The following PARVB variants were observed in gnomAD, a reference collection of about 807,000 sequenced individuals.
The protein encoded by PARVB is beta-parvin.
Under a neutral mutation model 47.0 loss-of-function variants are expected in PARVB, and 46 were observed. The observed-to-expected ratio is 0.98, with a 90% CI of 0.77 to 1.25. The LOEUF is 1.25. Among genes scored for constraint, PARVB ranks in the 50% most tolerant of loss-of-function variants. The pLI is 0.00. For synonymous variants in PARVB, 196 were observed against 196.3 expected, an observed-to-expected ratio of 1.00 and a Z score of 0.01; for missense variants, 473 against 471.6, an observed-to-expected ratio of 1.00 and a Z score of -0.03.
intron 1 of PARVB, among the ~76,000 whole-genome samples, chr22:44,069,763 AG>A (rs1252907223): frequency 6.6e-6 from 1 of 152,090 alleles, no homozygotes; most frequent in Non-Finnish European, 1.5e-5. Context: ...TCCTGACCTC[AG>A]GTGATCCACC....
chr22:44,012,145 G>A (rs968781883), intron 2 of PARVB, among the ~76,000 whole-genome samples: 2 of 152,108 alleles, frequency 1.3e-5, no homozygotes, highest in Admixed American at 1.3e-4. Flanking sequence ...TTCCCCCATG[G>A]AAGACTAGGA....
At chr22:44,150,505 C>G (rs927514917) in intron 9 of PARVB, 1 of 151,700 alleles carries the variant, frequency 6.6e-6, no homozygotes, top group African/African-American at 2.4e-5. Context: ...AACTCCATTT[C>G]TACTAAAAAT....
At chr22:44,145,408 GGGTTACCCCAAGACA>G (rs1355381888) in intron 8 of PARVB, 1 of 152,180 alleles carries the variant, frequency 6.6e-6, no homozygotes, top group Non-Finnish European at 1.5e-5. Context: ...GGAGGCCCCT[GGGTTACCCCAAGACA>G]GGTGGGAGGA....
In PARVB at chr22:44,170,268, T is replaced by A. The variant is rs1031166130; in HGVS notation, c.*1590T>A. 2.6e-5 allele frequency: 4 copies of A among 152,162 alleles called. No individual in the cohort carries two copies. The highest frequency in any genetic ancestry group is 5.9e-5 in the Non-Finnish European group (4 of 68,046). The allele number at this position is 152,162 out of a possible 1,614,324, so 9.4% of individuals were successfully genotyped here. On this transcript the variant is annotated 3_prime_UTR_variant, in exon 13 of 13. Transcript: ENST00000338758. ...CACCCACCTCAGCCTCCCAAAGTGC[T>A]GGGATTATAGGCATGAGCGGACATG...
chr22:44,168,399 G>A (rs878947943), intron 12 of PARVB: 31 of 545,928 alleles, frequency 5.7e-5, no homozygotes, highest in South Asian at 3.0e-4. Flanking sequence ...GTGTCAGCCC[G>A]CGCCAGGAGC....
At chr22:44,038,058 C>A (rs1156815412) in intron 1 of PARVB, among the ~76,000 whole-genome samples, 4 of 152,230 alleles carry the variant, frequency 2.6e-5, no homozygotes, top group African/African-American at 9.6e-5. Flanking sequence ...GCCCTCACGT[C>A]CCCTGTTCTC....
chr22:44,128,000 A>G (rs921937508), intron 4 of PARVB, among the ~76,000 whole-genome samples: 1 of 152,100 alleles, frequency 6.6e-6, no homozygotes, highest in Non-Finnish European at 1.5e-5. Context: ...TGCCCAGGCT[A>G]GTCTTGAACT....
chr22:44,132,225 C>A (rs2053343357), intron 5 of PARVB, among the ~76,000 whole-genome samples: 2 of 152,096 alleles, frequency 1.3e-5, no homozygotes, highest in Non-Finnish European at 2.9e-5. Context: ...CAGTGGTAGG[C>A]AGGAGACCCT....
chr22:44,087,846 G>GTTTTTTTTTTTTTTTTTTTTTTT (rs57893038), intron 1 of PARVB, among the ~76,000 whole-genome samples: 6 of 121,288 alleles, frequency 4.9e-5, no homozygotes, highest in African/African-American at 1.0e-4. Flanking sequence ...GAACGATGGT[G>GTTTTTTTTTTTTTTTTTTTTTTT]TTTTTTTTTT....
chr22:44,021,818 G>C (rs79540373), upstream of PARVB, among the ~76,000 whole-genome samples: 481 of 125,938 alleles, frequency 3.8e-3, 4 homozygotes, highest in African/African-American at 0.013. Flanking sequence ...CACACACACA[G>C]GGCCTAGTAG....
In PARVB at chr22:44,068,687, G is replaced by A. The variant is rs1317333875; in HGVS notation, c.113-25241G>A. Reference sequence around the variant, plus strand: ...CACAGTGGTGCCACCTCTTGCCGGGGGTCAGGCAGAGGAGACCCAGCTCCG... The same window carrying A: ...CACAGTGGTGCCACCTCTTGCCGGGAGTCAGGCAGAGGAGACCCAGCTCCG... On this transcript the variant is annotated intron_variant, in intron 1 of 12. Transcript: ENST00000338758. The surrounding 1 kb of genome is among the most constrained non-coding windows in gnomAD (Gnocchi z 4.1). Among the ~76,000 whole-genome samples the A allele has an allele frequency of 6.6e-6, 1 of 152,180 alleles. No homozygotes were observed. The highest frequency in any genetic ancestry group is 1.5e-5 in the Non-Finnish European group (1 of 68,028).
At chr22:44,027,032 T>C (rs9306472) in intron 1 of PARVB, among the ~76,000 whole-genome samples, 53,101 of 151,428 alleles carry the variant, frequency 0.35, 9,779 homozygotes, top group African/African-American at 0.48. Context: ...AGCTTCACGG[T>C]GGGCGTGATT....
intron 1 of PARVB, among the ~76,000 whole-genome samples, chr22:44,082,433 C>T (rs1415723013): frequency 5.3e-5 from 8 of 152,066 alleles, no homozygotes; most frequent in Non-Finnish European, 7.4e-5. Flanking sequence ...GCAGGAGAAT[C>T]GCTTGAATCT....
At chr22:44,137,045 C>G (rs1259120094) in intron 7 of PARVB, among the ~76,000 whole-genome samples, 1 of 152,234 alleles carries the variant, frequency 6.6e-6, no homozygotes, top group East Asian at 1.9e-4. Flanking sequence ...TTAAGGACTC[C>G]TTGTGATAAC....
At chr22:44,016,786 G>C (rs533785625) in intron 2 of PARVB, among the ~76,000 whole-genome samples, 69 of 152,120 alleles carry the variant, frequency 4.5e-4, no homozygotes, top group Middle Eastern at 3.4e-3. Context: ...TTCCACTTTT[G>C]GCATCACGTC....
Position 44,103,901 on chromosome 22 carries a change from C to T in PARVB, c.273+3778C>T, listed in dbSNP as rs1601605731. Reference sequence around the variant, plus strand: ...CTGGAGCCTCCAGAAGGAACCAGCCCTGCTGACACCTGGATTTTAGCCCAG... The same window carrying T: ...CTGGAGCCTCCAGAAGGAACCAGCCTTGCTGACACCTGGATTTTAGCCCAG... On this transcript the variant is annotated intron_variant, in intron 3 of 12. Coordinates refer to ENST00000338758, the MANE Select transcript of PARVB (RefSeq NM_013327.5). The surrounding 1 kb of genome is among the most constrained non-coding windows in gnomAD (Gnocchi z 4.6). 6.6e-6 allele frequency: 1 copy of T among 152,310 alleles called. No individual in the cohort carries two copies. Among genetic ancestry groups the T allele is most frequent in the African/African-American group, 2.4e-5 (1 of 41,466 alleles). 9.4% of individuals were successfully genotyped at this position (152,310 alleles called of 1,614,324 possible). A position where few individuals can be genotyped will look rare whatever the true frequency, so the allele number is the denominator to read the frequency against.
intron 1 of PARVB, among the ~76,000 whole-genome samples, chr22:44,052,965 A>G (rs1423657124): frequency 1.3e-5 from 2 of 152,092 alleles, no homozygotes; most frequent in Admixed American, 6.6e-5. Flanking sequence ...AAAACAAAAC[A>G]AAACACCCAA....
At chr22:44,119,639 G>A (rs759605725) in intron 4 of PARVB, 3 of 417,292 alleles carry the variant, frequency 7.2e-6, no homozygotes, top group Non-Finnish European at 1.5e-5. Flanking sequence ...ATGGTTTGAT[G>A]TGCAGACAAA....
intron 12 of PARVB, among the ~76,000 whole-genome samples, chr22:44,164,178 C>T (rs1020607123): frequency 6.6e-6 from 1 of 152,168 alleles, no homozygotes; most frequent in Admixed American, 6.5e-5. Flanking sequence ...GTGGCCTCTG[C>T]CCACAGACCT....
Sources: allele counts gnomAD v4.1 joint callset (sites outside exome capture counted in the v4.1 genomes callset), GRCh38; gene constraint gnomAD v4.1.1; non-coding constraint Gnocchi (gnomAD v3.1); transcripts MANE v1.5; gene names NCBI Gene and HGNC (gene_info 2026-07-23, HGNC 2026-07-21).